ANKS1B: variants seen among roughly 807,000 people sequenced by gnomAD.
ANKS1B encodes ankyrin repeat and sterile alpha motif domain-containing protein 1B.
A neutral mutation model predicts 148.3 loss-of-function variants in ANKS1B; 36 were observed. The observed-to-expected ratio is 0.24, with a 90% CI of 0.19 to 0.32. ANKS1B has a LOEUF of 0.32. ANKS1B is among the 10% of genes least tolerant of loss of function. ANKS1B has a pLI of 1.00. For synonymous variants in ANKS1B, 542 were observed against 560.8 expected, an observed-to-expected ratio of 0.97 and a Z score of 0.47; for missense variants, 1,157 against 1,542.6, an observed-to-expected ratio of 0.75 and a Z score of 4.19.
intron 12 of ANKS1B, among the ~76,000 whole-genome samples, chr12:99,399,269 A>T (rs1016025417): frequency 6.6e-6 from 1 of 152,144 alleles, no homozygotes; most frequent in Non-Finnish European, 1.5e-5. Flanking sequence ...CTTACCAGAC[A>T]TCCTTGATAT....
chr12:98,857,118 G>A (rs2099575838), intron 17 of ANKS1B, among the ~76,000 whole-genome samples: 1 of 152,220 alleles, frequency 6.6e-6, no homozygotes. Context: ...CAAGAGGGCT[G>A]TGATTAATCC....
At chr12:98,750,609 T>A (rs902474235) in intron 26 of ANKS1B, among the ~76,000 whole-genome samples, 2 of 152,144 alleles carry the variant, frequency 1.3e-5, no homozygotes, top group Admixed American at 6.5e-5. Flanking sequence ...GTCCCAGGGT[T>A]TCTAGGATGC....
At chr12:99,422,424 A>G (rs930946748) in intron 11 of ANKS1B, among the ~76,000 whole-genome samples, 1 of 152,212 alleles carries the variant, frequency 6.6e-6, no homozygotes, top group Non-Finnish European at 1.5e-5. Context: ...ACTTCCTATG[A>G]AGACATATAA....
intron 17 of ANKS1B, among the ~76,000 whole-genome samples, chr12:98,873,431 AT>A (rs2099677738): frequency 2.0e-5 from 3 of 152,240 alleles, no homozygotes; most frequent in Non-Finnish European, 2.9e-5. Flanking sequence ...GCATGGTCAT[AT>A]TTGTTTGTTG....
chr12:99,031,164 A>G (rs771743794), intron 17 of ANKS1B, among the ~76,000 whole-genome samples: 3 of 152,198 alleles, frequency 2.0e-5, no homozygotes, highest in African/African-American at 7.2e-5. Context: ...TATACACTTG[A>G]TGGGGTTATA....
chr12:99,222,805 A>G (rs535087151), intron 14 of ANKS1B, among the ~76,000 whole-genome samples: 1 of 152,276 alleles, frequency 6.6e-6, no homozygotes, highest in Non-Finnish European at 1.5e-5. Context: ...CTTTGGTGAT[A>G]TTTTTAGCAC....
At chr12:99,477,320 G>C (rs1393068919) in intron 10 of ANKS1B, among the ~76,000 whole-genome samples, 3 of 152,134 alleles carry the variant, frequency 2.0e-5, no homozygotes, top group Admixed American at 2.0e-4. Flanking sequence ...TGATACAGCT[G>C]TTTTGGAAAG....
In ANKS1B at chr12:99,984,729, T is replaced by C. The variant is rs2095753996; in HGVS notation, c.-492A>G. ...GGGCTCGCCTCGGCTTCCTCGGCGG[T>C]TACGCGGGGGCGGCGTCCGCGGCGG... is the stretch of plus-strand genomic sequence containing the variant. On this transcript the variant is annotated 5_prime_UTR_variant, in exon 1 of 27. Transcript: ENST00000683438. 6.6e-6 allele frequency: 1 copy of C among 151,242 alleles called. No homozygotes were observed. Among genetic ancestry groups the C allele is most frequent in the African/African-American group, 2.4e-5 (1 of 41,152 alleles). 9.4% of individuals were successfully genotyped at this position (151,242 alleles called of 1,614,324 possible).
intron 17 of ANKS1B, among the ~76,000 whole-genome samples, chr12:98,985,886 G>C (rs1364242931): frequency 6.6e-6 from 1 of 152,068 alleles, no homozygotes; most frequent in Non-Finnish European, 1.5e-5. Flanking sequence ...ACTGCCTGAA[G>C]AATTCCCTCT....
chr12:99,745,573 T>C (rs1022390748), intron 8 of ANKS1B, among the ~76,000 whole-genome samples: 2 of 152,128 alleles, frequency 1.3e-5, no homozygotes, highest in Admixed American at 6.5e-5. Flanking sequence ...ATCTTATCAC[T>C]TGGGAAAAAG....
At chr12:99,784,168 C>CTT (rs71088155) in intron 4 of ANKS1B, among the ~76,000 whole-genome samples, 103 of 110,840 alleles carry the variant, frequency 9.3e-4, no homozygotes, top group African/African-American at 1.3e-3. Flanking sequence ...ACTGAACTTT[C>CTT]TTTTTTTTTT....
chr12:98,771,372 A>G (rs1365146348), intron 25 of ANKS1B, among the ~76,000 whole-genome samples: 1 of 149,938 alleles, frequency 6.7e-6, no homozygotes, highest in Non-Finnish European at 1.5e-5. Context: ...AAGTCTCACT[A>G]TGTTGCACAG....
At chr12:99,282,265 A>G (rs1253267362) in intron 12 of ANKS1B, among the ~76,000 whole-genome samples, 1 of 152,212 alleles carries the variant, frequency 6.6e-6, no homozygotes, top group Non-Finnish European at 1.5e-5. Context: ...TCCCTGATGC[A>G]TGACTATGCT....
chr12:98,871,272 C>G (rs2099667508), intron 17 of ANKS1B, among the ~76,000 whole-genome samples: 5 of 152,142 alleles, frequency 3.3e-5, no homozygotes, highest in Admixed American at 2.6e-4. Context: ...ATAATTTTCT[C>G]TCTTCCCTCA....
chr12:99,577,940 A>G (rs1182697560), intron 9 of ANKS1B, among the ~76,000 whole-genome samples: 3 of 152,258 alleles, frequency 2.0e-5, no homozygotes, highest in Admixed American at 2.0e-4. Context: ...ACAGGCCAAT[A>G]TCTCTGATGA....
chr12:99,701,803 C>T (rs1176656778), intron 8 of ANKS1B, among the ~76,000 whole-genome samples: 1 of 152,092 alleles, frequency 6.6e-6, no homozygotes, highest in Non-Finnish European at 1.5e-5. Context: ...GTTTGTCTTT[C>T]TGTGCCTGGC....
chr12:99,586,608 C>G (rs2153232144), intron 9 of ANKS1B, among the ~76,000 whole-genome samples: 1 of 152,258 alleles, frequency 6.6e-6, no homozygotes, highest in African/African-American at 2.4e-5. Context: ...GCATCTCACT[C>G]TACTGGTACC....
At chr12:99,842,273 T>A (rs1264191811) in intron 1 of ANKS1B, among the ~76,000 whole-genome samples, 1 of 152,176 alleles carries the variant, frequency 6.6e-6, no homozygotes, top group Non-Finnish European at 1.5e-5. Flanking sequence ...CTTGCTCTAT[T>A]TCTAGTGTTA....
chr12:98,804,048 C>T (rs1287508711), intron 20 of ANKS1B, among the ~76,000 whole-genome samples: 2 of 152,204 alleles, frequency 1.3e-5, no homozygotes, highest in Admixed American at 6.5e-5. Context: ...TCTGTTTAGA[C>T]AGCGCCATCA....
Sources: gnomAD v4.1 joint callset for allele counts (sites outside exome capture counted in the v4.1 genomes callset) on GRCh38, gnomAD v4.1.1 for gene constraint, MANE v1.5 for transcripts, NCBI Gene and HGNC (gene_info 2026-07-23, HGNC 2026-07-21) for gene names.